The following SMYD3 variants were observed in gnomAD, a reference collection of about 807,000 sequenced individuals.
The protein encoded by SMYD3 is SET and MYND domain containing 3.
Under a neutral mutation model 57.7 loss-of-function variants are expected in SMYD3, and 36 were observed. The observed-to-expected ratio is 0.62, with a 90% confidence interval of 0.48 to 0.82. The LOEUF is 0.82. SMYD3 is among the 40% of genes least tolerant of loss of function. SMYD3 has a pLI of 0.00. For synonymous variants in SMYD3, 211 were observed against 195.0 expected (o/e 1.08, Z -0.68); for missense variants, 515 against 538.8 (o/e 0.96, Z 0.44).
intron 8 of SMYD3, among the ~76,000 whole-genome samples, chr1:245,895,871 A>G (rs1467064598): frequency 6.6e-6 from 1 of 152,178 alleles, no homozygotes; most frequent in Non-Finnish European, 1.5e-5. Context: ...AGGGAAGGCA[A>G]TTCTGTGTTG....
chr1:246,081,119 C>T (rs556810318), intron 5 of SMYD3, among the ~76,000 whole-genome samples: 2 of 152,274 alleles, frequency 1.3e-5, no homozygotes, highest in South Asian at 2.1e-4. Flanking sequence ...ATGACCTTAG[C>T]GTTGAGGAAG....
intron 5 of SMYD3, among the ~76,000 whole-genome samples, chr1:246,075,551 A>G (rs2147809815): frequency 6.6e-6 from 1 of 152,342 alleles, no homozygotes; most frequent in African/African-American, 2.4e-5. Flanking sequence ...ACATTTTCAT[A>G]TAAAAGAAAA....
intron 10 of SMYD3, among the ~76,000 whole-genome samples, chr1:245,831,460 C>A (rs1175541176): frequency 6.6e-6 from 1 of 152,224 alleles, no homozygotes; most frequent in Non-Finnish European, 1.5e-5. Flanking sequence ...ATGTGCTATT[C>A]TGCCACAGCA....
chr1:246,461,190 A>G (rs997928937), intron 1 of SMYD3, among the ~76,000 whole-genome samples: 4 of 152,230 alleles, frequency 2.6e-5, no homozygotes, highest in Non-Finnish European at 5.9e-5. Flanking sequence ...TTCAAGGAAA[A>G]TTAATTCAAG....
At chr1:246,143,337 A>G (rs1319881116) in intron 5 of SMYD3, among the ~76,000 whole-genome samples, 1 of 152,222 alleles carries the variant, frequency 6.6e-6, no homozygotes, top group African/African-American at 2.4e-5. Flanking sequence ...TTGGGTATAC[A>G]ATAGGATTCT....
intron 8 of SMYD3, among the ~76,000 whole-genome samples, chr1:245,907,412 T>C (rs1414221080): frequency 1.3e-5 from 2 of 151,994 alleles, no homozygotes; most frequent in African/African-American, 4.8e-5. Context: ...TTTAACGAAA[T>C]AACAGCCAAA....
Position 245,779,176 on chromosome 1 carries a change from A to AGAAAAAGAG in SMYD3, c.1077-15028_1077-15027insCTCTTTTTC, listed in dbSNP as rs55875943. On this transcript the variant is annotated intron_variant, in intron 10 of 11. Transcript: ENST00000490107. ...CACTGTCCCAAGGGGAAAAAAAAAA[A>AGAAAAAGAG]AAAAAGAAAAAGAAAAAGAAAATGG... is the stretch of plus-strand genomic sequence containing the variant. 1.5e-4 allele frequency among the ~76,000 whole-genome samples: 22 copies of AGAAAAAGAG among 143,744 alleles called. 1 individual carries two copies. The highest frequency in any genetic ancestry group is 1.4e-3 in the Admixed American group (21 of 14,538). 94.3% of individuals were successfully genotyped at this position (143,744 alleles called of 152,430 possible). A position where few individuals can be genotyped will look rare whatever the true frequency, so the allele number is the denominator to read the frequency against.
At chr1:246,275,202 C>T (rs972232264) in intron 5 of SMYD3, among the ~76,000 whole-genome samples, 2 of 152,230 alleles carry the variant, frequency 1.3e-5, no homozygotes, top group Non-Finnish European at 2.9e-5. Flanking sequence ...ACAGGCCAAA[C>T]CATCTCTACC....
At chr1:246,287,475 T>C (rs1291889301) in intron 5 of SMYD3, among the ~76,000 whole-genome samples, 1 of 152,192 alleles carries the variant, frequency 6.6e-6, no homozygotes. Flanking sequence ...TACCGCTATG[T>C]CCAAACTGGG....
At chr1:246,303,159 C>T (rs957516419) in intron 5 of SMYD3, among the ~76,000 whole-genome samples, 10 of 152,192 alleles carry the variant, frequency 6.6e-5, no homozygotes, top group Non-Finnish European at 1.2e-4. Flanking sequence ...TGTTCTGTGA[C>T]TCCTTTGACC....
At chr1:246,076,880 G>C (rs936413232) in intron 5 of SMYD3, among the ~76,000 whole-genome samples, 1 of 152,088 alleles carries the variant, frequency 6.6e-6, no homozygotes, top group Non-Finnish European at 1.5e-5. Context: ...TATCGTCTAA[G>C]ACTTAAGTAA....
At chr1:245,863,668 C>A in intron 9 of SMYD3, 131 bp downstream of exon 9, 1 of 765,210 alleles carries the variant, frequency 1.3e-6, no homozygotes, top group Non-Finnish European at 2.2e-6. Flanking sequence ...CGGCCTGTGA[C>A]CATGGAACAG....
At position 245,897,156 on chromosome 1, in the gene SMYD3, G is replaced by A. The variant is rs143528232; in HGVS notation, c.813+18374C>T. 6.3e-4 allele frequency among the ~76,000 whole-genome samples: 96 copies of A among 152,288 alleles called. 1 individual carries two copies. Among genetic ancestry groups the A allele is most frequent in the African/African-American group, 1.9e-3 (78 of 41,580 alleles). ...ATAGGCAGAAATAAAACACAGAGACGTGAAAAAGAACAAATTTGAAATCTT... is the reference window on the plus strand; with the variant it reads ...ATAGGCAGAAATAAAACACAGAGACATGAAAAAGAACAAATTTGAAATCTT... On this transcript the variant is annotated intron_variant, in intron 8 of 11. Transcript: ENST00000490107.
chr1:245,987,918 T>A lies in SMYD3; in HGVS notation c.532-57981A>T, dbSNP rs77861943. Among the ~76,000 whole-genome samples the A allele has an allele frequency of 4.9e-3, 752 of 152,234 alleles. 6 individuals are homozygous for A. Among genetic ancestry groups the A allele is most frequent in the African/African-American group, 0.017 (701 of 41,536 alleles). ...TGAAACTTAAAAAGAAAAAAGAAAA[T>A]CCAGTTTCTACGGTCCCACTCACAG... is the stretch of plus-strand genomic sequence containing the variant. On this transcript the variant is annotated intron_variant, in intron 5 of 11. Transcript: ENST00000490107.
chr1:246,440,320 A>G (rs2067443020), intron 1 of SMYD3, among the ~76,000 whole-genome samples: 1 of 152,224 alleles, frequency 6.6e-6, no homozygotes, highest in African/African-American at 2.4e-5. Context: ...AATTAACATT[A>G]GCAAAAGATA....
intron 10 of SMYD3, among the ~76,000 whole-genome samples, chr1:245,814,043 A>C: frequency 6.6e-6 from 1 of 151,794 alleles, no homozygotes; most frequent in East Asian, 1.9e-4. Context: ...TTTATAATAA[A>C]TTTATTTTTA....
intron 5 of SMYD3, among the ~76,000 whole-genome samples, chr1:246,017,337 A>G (rs2059394878): frequency 6.6e-6 from 1 of 152,176 alleles, no homozygotes; most frequent in Non-Finnish European, 1.5e-5. Context: ...GAAAACCAGG[A>G]AGTTAACATT....
chr1:246,172,608 T>C (rs1387380907), intron 5 of SMYD3, among the ~76,000 whole-genome samples: 1 of 148,574 alleles, frequency 6.7e-6, no homozygotes, highest in South Asian at 2.2e-4. Flanking sequence ...TTATCAACAC[T>C]ACACACTTAG....
intron 10 of SMYD3, among the ~76,000 whole-genome samples, chr1:245,783,343 C>G (rs909415151): frequency 1.3e-5 from 2 of 152,168 alleles, no homozygotes; most frequent in Non-Finnish European, 2.9e-5. Flanking sequence ...ATTGTGAGAA[C>G]CAGCTGTAGA....
Sources: allele counts gnomAD v4.1 joint callset (sites outside exome capture counted in the v4.1 genomes callset), GRCh38; gene constraint gnomAD v4.1.1; transcripts MANE v1.5; gene names NCBI Gene and HGNC (gene_info 2026-07-23, HGNC 2026-07-21).